Variants in MMP16 observed in about 807,000 individuals in gnomAD.
MMP16 encodes the protein matrix metalloproteinase-16.
MMP16 carries 12 observed loss-of-function variants against 67.8 expected under a neutral mutation model. The ratio of observed to expected loss-of-function variants is 0.18; its 90% CI spans 0.11 to 0.29. The LOEUF (loss-of-function observed/expected upper bound fraction) is 0.29. Ranked by LOEUF, MMP16 falls within the 10% of genes least tolerant of loss-of-function variation. The probability of loss-of-function intolerance (pLI) is 1.00; values close to 1 mark genes in which losing one functional copy is unlikely to be tolerated. For synonymous variants in MMP16, 249 were observed against 255.9 expected (o/e 0.97, Z 0.26); for missense variants, 475 against 765.7 (o/e 0.62, Z 4.48).
intron 4 of MMP16, among the ~76,000 whole-genome samples, chr8:88,157,510 C>A (rs778125222): frequency 1.3e-4 from 19 of 151,716 alleles, no homozygotes; most frequent in Non-Finnish European, 1.2e-4. Context: ...GATGTTGACA[C>A]CTGAGGCAAC....
chr8:88,058,367 A>G lies in MMP16; in HGVS notation c.1223-2089T>C, dbSNP rs1388835329. ...AGAGTCTTTGGCAAGAATTAATTGA[A>G]TCATTCACTCAATAATTACTTAGTA... On this transcript the variant is annotated intron_variant, in intron 7 of 9. Coordinates refer to ENST00000286614, the MANE Select transcript of MMP16 (RefSeq NM_005941.5). This position sits in a 1 kb window ranked among gnomAD's most constrained non-coding sequence, Gnocchi z 4.2. Among the ~76,000 whole-genome samples, 2 of 152,122 alleles carry G rather than the reference A, an allele frequency of 1.3e-5. No individual in the cohort carries two copies. Among genetic ancestry groups the G allele is most frequent in the African/African-American group, 4.8e-5 (2 of 41,430 alleles).
intron 4 of MMP16, among the ~76,000 whole-genome samples, chr8:88,150,887 T>C (rs1179291992): frequency 7.0e-6 from 1 of 142,818 alleles, no homozygotes; most frequent in Non-Finnish European, 1.5e-5. Context: ...GTAAATGGAC[T>C]AAATGCTCCA....
At chr8:88,129,116 G>T (rs1413243552) in intron 4 of MMP16, among the ~76,000 whole-genome samples, 3 of 151,734 alleles carry the variant, frequency 2.0e-5, no homozygotes, top group Admixed American at 6.6e-5. Context: ...GTAAACCCAT[G>T]TAACATGATT....
At chr8:88,075,799 T>C (rs1217994786) in intron 6 of MMP16, among the ~76,000 whole-genome samples, 1 of 152,074 alleles carries the variant, frequency 6.6e-6, no homozygotes, top group Non-Finnish European at 1.5e-5. Context: ...CCATTTTAAT[T>C]CTCTGCTTTC....
chr8:88,320,414 C>T (rs1811440821), intron 1 of MMP16, among the ~76,000 whole-genome samples: 1 of 152,122 alleles, frequency 6.6e-6, no homozygotes, highest in African/African-American at 2.4e-5. Flanking sequence ...ACCAAAAACA[C>T]CTAGTCACTA....
intron 1 of MMP16, among the ~76,000 whole-genome samples, chr8:88,244,372 T>G (rs1230271953): frequency 1.3e-5 from 2 of 152,204 alleles, no homozygotes; most frequent in African/African-American, 4.8e-5. Flanking sequence ...TGGACTTGAA[T>G]GTAAAAGCCA....
intron 1 of MMP16, among the ~76,000 whole-genome samples, chr8:88,283,893 C>T (rs998939549): frequency 2.0e-5 from 3 of 152,172 alleles, no homozygotes; most frequent in Admixed American, 2.0e-4. Context: ...ATGGCCTGAC[C>T]AATGCCAACA....
At chr8:88,156,319 C>T (rs578009943) in intron 4 of MMP16, among the ~76,000 whole-genome samples, 41 of 152,112 alleles carry the variant, frequency 2.7e-4, no homozygotes, top group African/African-American at 8.9e-4. Flanking sequence ...CTTTACTGAA[C>T]AGAGGTGGAA....
At chr8:88,279,563 G>A (rs554523301) in intron 1 of MMP16, among the ~76,000 whole-genome samples, 1 of 152,310 alleles carries the variant, frequency 6.6e-6, no homozygotes, top group Admixed American at 6.5e-5. Context: ...TCATGTAGGA[G>A]TAAGGAAGCA....
chr8:88,211,982 G>T (rs577528712), intron 1 of MMP16, among the ~76,000 whole-genome samples: 1 of 152,140 alleles, frequency 6.6e-6, no homozygotes, highest in African/African-American at 2.4e-5. Flanking sequence ...TATCCAAACT[G>T]GGTCACAGAA....
chr8:88,160,291 G>T (rs954411367), intron 4 of MMP16, among the ~76,000 whole-genome samples: 2 of 151,924 alleles, frequency 1.3e-5, no homozygotes, highest in African/African-American at 4.8e-5. Flanking sequence ...TCCCTACAAA[G>T]GACATGAACT....
chr8:88,326,160 T>C (rs1811534048), intron 1 of MMP16, among the ~76,000 whole-genome samples: 1 of 152,256 alleles, frequency 6.6e-6, no homozygotes, highest in East Asian at 1.9e-4. Context: ...ACTGGCTTTG[T>C]ATCCCACCGT....
At chr8:88,276,312 A>G (rs1292774739) in intron 1 of MMP16, among the ~76,000 whole-genome samples, 1 of 152,118 alleles carries the variant, frequency 6.6e-6, no homozygotes, top group African/African-American at 2.4e-5. Context: ...GGGTGTGTGC[A>G]TGTGCACGTG....
intron 1 of MMP16, among the ~76,000 whole-genome samples, chr8:88,255,753 T>C (rs1027166277): frequency 6.6e-6 from 1 of 152,198 alleles, no homozygotes. Flanking sequence ...AGGGATTTTA[T>C]ATAGGTGCAT....
At chr8:88,052,352 C>T (rs935693415) in intron 8 of MMP16, among the ~76,000 whole-genome samples, 3 of 152,068 alleles carry the variant, frequency 2.0e-5, no homozygotes, top group African/African-American at 7.2e-5. Flanking sequence ...TTTGTTCCTC[C>T]CCTAAAATCC....
At chr8:88,141,308 A>G (rs562219417) in intron 4 of MMP16, among the ~76,000 whole-genome samples, 1 of 152,364 alleles carries the variant, frequency 6.6e-6, no homozygotes, top group Non-Finnish European at 1.5e-5. Flanking sequence ...AAACACATAC[A>G]ATGGAGTAAT....
chr8:88,045,579 G>A lies in MMP16; in HGVS notation c.1489+1090C>T, dbSNP rs535055226. ...GTAGAGATGGGGGTGTCATCATTGT[G>A]GCCAGGCTGGTCCCAAACTCAGGTA... On this transcript the variant is annotated intron_variant, in intron 9 of 9. Transcript: ENST00000286614. Among the ~76,000 whole-genome samples the A allele has an allele frequency of 6.0e-4, 91 of 152,036 alleles. 2 individuals carry two copies. The East Asian group carries it at 0.017, about 29-fold the overall frequency.
At chr8:88,082,676 A>G (rs1383762711) in intron 6 of MMP16, among the ~76,000 whole-genome samples, 1 of 152,126 alleles carries the variant, frequency 6.6e-6, no homozygotes, top group African/African-American at 2.4e-5. Context: ...CAGATAGCAC[A>G]GAAACTAATA....
At chr8:88,139,978 C>T (rs1196248809) in intron 4 of MMP16, among the ~76,000 whole-genome samples, 1 of 152,112 alleles carries the variant, frequency 6.6e-6, no homozygotes, top group Non-Finnish European at 1.5e-5. Flanking sequence ...AAATTTACTG[C>T]ATTTTAACAA....
Sources: allele counts gnomAD v4.1 joint callset (sites outside exome capture counted in the v4.1 genomes callset), GRCh38; gene constraint gnomAD v4.1.1; non-coding constraint Gnocchi (gnomAD v3.1); transcripts MANE v1.5; gene names NCBI Gene and HGNC (gene_info 2026-07-23, HGNC 2026-07-21).